VOPP1: variants seen among roughly 807,000 people sequenced by gnomAD.
VOPP1 encodes the protein WW domain binding protein VOPP1.
VOPP1 carries 8 observed loss-of-function variants against 23.5 expected under a neutral mutation model. The ratio of observed to expected loss-of-function variants is 0.34; its 90% CI spans 0.20 to 0.61. The LOEUF (loss-of-function observed/expected upper bound fraction) is 0.61. Ranked by LOEUF, VOPP1 falls within the 20% of genes least tolerant of loss-of-function variation. The pLI is 0.78. For missense variants in VOPP1, 174 were observed against 238.1 expected (o/e 0.73, Z 1.77); for synonymous variants, 83 against 97.3 (o/e 0.85, Z 0.86).
intron 2 of VOPP1, 145 bp downstream of exon 2, chr7:55,520,927 A>G (rs571328829): frequency 2.6e-6 from 2 of 776,648 alleles, no homozygotes; most frequent in East Asian, 5.4e-5. Context: ...TCACCTGCTC[A>G]TCCCCCAGTG....
intron 2 of VOPP1, among the ~76,000 whole-genome samples, chr7:55,520,351 G>A (rs1314157623): frequency 1.3e-5 from 2 of 152,100 alleles, no homozygotes; most frequent in African/African-American, 4.8e-5. Flanking sequence ...TAGGGCATTC[G>A]ACTCAATACC....
chr7:55,435,857 G>A (rs1790809929), downstream of VOPP1, among the ~76,000 whole-genome samples: 1 of 152,238 alleles, frequency 6.6e-6, no homozygotes, highest in African/African-American at 2.4e-5. Flanking sequence ...TGTGCTGAGT[G>A]CTGTGAGTGG....
chr7:55,494,691 T>C (rs974347101), intron 3 of VOPP1, among the ~76,000 whole-genome samples: 2 of 152,208 alleles, frequency 1.3e-5, no homozygotes, highest in African/African-American at 2.4e-5. Flanking sequence ...TGTTGCCGAG[T>C]GATCTCAAAT....
intron 2 of VOPP1, among the ~76,000 whole-genome samples, chr7:55,519,974 A>G (rs150282892): frequency 3.1e-4 from 47 of 152,308 alleles, no homozygotes; most frequent in African/African-American, 1.1e-3. Flanking sequence ...CTAGAAATAG[A>G]AAAATTAGCT....
chr7:55,496,890 G>A (rs1793991016), intron 3 of VOPP1, among the ~76,000 whole-genome samples: 1 of 152,234 alleles, frequency 6.6e-6, no homozygotes, highest in Non-Finnish European at 1.5e-5. Flanking sequence ...CACTGCATGG[G>A]AGAAGAAGAG....
At position 55,472,802 on chromosome 7, in the gene VOPP1, A is replaced by T. The variant is rs1172278570; in HGVS notation, c.*53T>A. The T allele has an allele frequency of 2.2e-6, 2 of 892,848 alleles. No homozygotes were observed. Among genetic ancestry groups the T allele is most frequent in the Non-Finnish European group, 3.1e-6 (2 of 637,136 alleles). 55.3% of individuals were successfully genotyped at this position (892,848 alleles called of 1,614,324 possible). On this transcript the variant is annotated 3_prime_UTR_variant, in exon 5 of 5. Coordinates refer to ENST00000285279, the MANE Select transcript of VOPP1 (RefSeq NM_030796.5). ...TGGAAGTGAACATCAACGAAGACAG[A>T]AAGGCCAGGGAAAGGCCCTCTCCTG...
intron 2 of VOPP1, 111 bp from the exon 3 acceptor site, chr7:55,497,801 A>C (rs1190535470): frequency 3.5e-5 from 31 of 883,330 alleles, no homozygotes; most frequent in Non-Finnish European, 5.8e-5. Context: ...AGAAATCAGT[A>C]AGAGCAAAAA....
At position 55,561,817 on chromosome 7, in the gene VOPP1, G is replaced by C. The variant is rs969194430; in HGVS notation, c.54+10454C>G. ...AGAGCACGTGGGAGTAGCTTGCCTA[G>C]GGAGTAGCTTGCCCAAGTCGGGGAC... is the stretch of plus-strand genomic sequence containing the variant. On this transcript the variant is annotated intron_variant, in intron 1 of 4. Transcript: ENST00000285279. 5 of 618,934 alleles carry C rather than the reference G, an allele frequency of 8.1e-6. No individual in the cohort carries two copies. The African/African-American group carries it at 9.4e-5, about 12-fold the overall frequency. The allele number at this position is 618,934 out of a possible 1,614,324, so 38.3% of individuals were successfully genotyped here.
chr7:55,465,119 G>A (rs1791601193), intron 4 of VOPP1, among the ~76,000 whole-genome samples: 1 of 152,184 alleles, frequency 6.6e-6, no homozygotes, highest in Non-Finnish European at 1.5e-5. Context: ...TGTTCTCTTA[G>A]AAGCTCCACT....
rs772081386 is a variant in VOPP1 at position 55,538,573 on chromosome 7, C to T, written c.55-17443G>A. On this transcript the variant is annotated intron_variant, in intron 1 of 4. Coordinates refer to ENST00000285279, the MANE Select transcript of VOPP1 (RefSeq NM_030796.5). ...CTGAGGATCACTGTAAACTGCTTTACATGGTTTAATAACAAACATAATAAT... is the reference window on the plus strand; with the variant it reads ...CTGAGGATCACTGTAAACTGCTTTATATGGTTTAATAACAAACATAATAAT... The T allele has an allele frequency of 3.9e-6, 6 of 1,520,920 alleles. No individual in the cohort carries two copies. The South Asian group carries it at 6.0e-5, about 15-fold the overall frequency. 94.2% of individuals were successfully genotyped at this position (1,520,920 alleles called of 1,614,324 possible). A position where few individuals can be genotyped will look rare whatever the true frequency, so the allele number is the denominator to read the frequency against.
chr7:55,508,567 G>C (rs1794876374), intron 2 of VOPP1, among the ~76,000 whole-genome samples: 1 of 152,164 alleles, frequency 6.6e-6, no homozygotes, highest in African/African-American at 2.4e-5. Context: ...ACCTGGCCCA[G>C]AGTTTTTGAA....
At position 55,442,147 on chromosome 7, in the gene VOPP1, T is replaced by C. The variant is rs543971704; in HGVS notation, n.418-5973A>G. Among the ~76,000 whole-genome samples the C allele has an allele frequency of 9.9e-4, 151 of 152,316 alleles. 1 individual carries two copies. The highest frequency in any genetic ancestry group is 3.5e-3 in the African/African-American group (147 of 41,580). On this transcript the variant is annotated intron_variant and non_coding_transcript_variant, in intron 4 of 4. Transcript: ENST00000462326. ...TATTATAAGCCTGTACATAGGCTTC[T>C]CAGACACAGTTTATGACATGTGAGG...
intron 1 of VOPP1, among the ~76,000 whole-genome samples, chr7:55,529,936 ATTTTGT>A (rs1796404754): frequency 6.6e-6 from 1 of 152,102 alleles, no homozygotes; most frequent in Admixed American, 6.5e-5. Context: ...AAGACACCAC[ATTTTGT>A]TTATCCATTC....
chr7:55,476,318 C>T (rs1046287636), intron 4 of VOPP1, among the ~76,000 whole-genome samples: 5 of 151,996 alleles, frequency 3.3e-5, no homozygotes, highest in Admixed American at 1.3e-4. Context: ...ACAATCACCC[C>T]TTCTCAGTGA....
At position 55,465,470 on chromosome 7, in the gene VOPP1, T is replaced by C. The variant is rs375035321; in HGVS notation, n.417+26812A>G. 5.3e-5 allele frequency among the ~76,000 whole-genome samples: 8 copies of C among 152,324 alleles called. No homozygotes were observed. In the East Asian group the frequency reaches 7.7e-4, roughly 15 times the overall value. ...CGTAGTCTGAAAGATGGAGACTACATGGAGAATGTCTCAAGAAAATTCCTC... is the reference window on the plus strand; with the variant it reads ...CGTAGTCTGAAAGATGGAGACTACACGGAGAATGTCTCAAGAAAATTCCTC... On this transcript the variant is annotated intron_variant and non_coding_transcript_variant, in intron 4 of 4. Coordinates refer to the VOPP1 transcript ENST00000462326.
At chr7:55,436,615 T>A (rs1324117621) in intron 4 of VOPP1, among the ~76,000 whole-genome samples, 1 of 149,126 alleles carries the variant, frequency 6.7e-6, no homozygotes, top group African/African-American at 2.5e-5. Flanking sequence ...TGTGTGTGCA[T>A]GAGTGTGTGT....
intron 1 of VOPP1, among the ~76,000 whole-genome samples, chr7:55,546,037 A>C (rs1018907708): frequency 2.0e-5 from 3 of 152,242 alleles, no homozygotes; most frequent in African/African-American, 7.2e-5. Flanking sequence ...ACTGCACTCC[A>C]GTCTGGGTGA....
chr7:55,494,167 A>C (rs926426047), intron 3 of VOPP1, among the ~76,000 whole-genome samples: 1 of 152,198 alleles, frequency 6.6e-6, no homozygotes, highest in Non-Finnish European at 1.5e-5. Context: ...GTAAGGCTTA[A>C]TGTGCTCGGC....
At chr7:55,454,335 A>G (rs1291305768) in intron 4 of VOPP1, among the ~76,000 whole-genome samples, 3 of 152,212 alleles carry the variant, frequency 2.0e-5, no homozygotes, top group Admixed American at 6.5e-5. Flanking sequence ...AAAGTCCAGG[A>G]CCAGAGAGAT....
Sources: gnomAD v4.1 joint callset for allele counts (sites outside exome capture counted in the v4.1 genomes callset) on GRCh38, gnomAD v4.1.1 for gene constraint, MANE v1.5 for transcripts, NCBI Gene and HGNC (gene_info 2026-07-23, HGNC 2026-07-21) for gene names.